EXD3: variants seen among roughly 807,000 people sequenced by gnomAD.
EXD3 encodes exonuclease mut-7 homolog.
Under a neutral mutation model 98.0 loss-of-function variants are expected in EXD3, and 92 were observed. The ratio of observed to expected loss-of-function variants is 0.94; its 90% CI spans 0.79 to 1.12. The LOEUF (loss-of-function observed/expected upper bound fraction) is 1.12. Ranked by LOEUF, EXD3 falls within the 50% of genes most tolerant of loss-of-function variation. The pLI is 0.00. For missense variants in EXD3, 1,222 were observed against 1,191.6 expected (o/e 1.03, Z -0.38); for synonymous variants, 569 against 526.0 (o/e 1.08, Z -1.12).
At chr9:137,328,097 A>AAACAACTAAT (rs1564476292) in intron 17 of EXD3, among the ~76,000 whole-genome samples, 2 of 152,254 alleles carry the variant, frequency 1.3e-5, no homozygotes, top group African/African-American at 4.8e-5. Context: ...TGATGAGTAA[A>AAACAACTAAT]AACAACTAAT....
At chr9:137,412,578 G>A (rs906220000) in intron 1 of EXD3, among the ~76,000 whole-genome samples, 1 of 152,108 alleles carries the variant, frequency 6.6e-6, no homozygotes, top group African/African-American at 2.4e-5. Flanking sequence ...ATGGGACAGG[G>A]TGGATACCCC....
At chr9:137,411,317 C>T (rs1033444040) in intron 1 of EXD3, among the ~76,000 whole-genome samples, 1 of 152,168 alleles carries the variant, frequency 6.6e-6, no homozygotes, top group Non-Finnish European at 1.5e-5. Context: ...CACAGCTGCC[C>T]CCGAGCCCTG....
chr9:137,386,941 T>C (rs1202445381), intron 2 of EXD3, among the ~76,000 whole-genome samples: 35 of 125,754 alleles, frequency 2.8e-4, no homozygotes, highest in Admixed American at 2.5e-3. Context: ...TCAGCACCCC[T>C]GCTCCCTGCC....
At chr9:137,328,891 GCTACA>G in intron 17 of EXD3, among the ~76,000 whole-genome samples, 1 of 35,006 alleles carries the variant, frequency 2.9e-5, no homozygotes, top group Non-Finnish European at 5.1e-5. Context: ...ACTACACGGG[GCTACA>G]CGGGACTACA....
chr9:137,326,475 G>A (rs1832410158), intron 17 of EXD3, among the ~76,000 whole-genome samples: 1 of 152,090 alleles, frequency 6.6e-6, no homozygotes, highest in Non-Finnish European at 1.5e-5. Context: ...GCTGTGAGCT[G>A]TGATCGTGTC....
chr9:137,373,712 T>G (rs909244817), intron 3 of EXD3, 113 bp from the exon 4 acceptor site: 9 of 1,244,034 alleles, frequency 7.2e-6, no homozygotes, highest in African/African-American at 3.0e-5. Context: ...AAGGTAGCTG[T>G]GGCCATTCAG....
intron 1 of EXD3, among the ~76,000 whole-genome samples, chr9:137,401,901 T>C (rs569901175): frequency 2.0e-5 from 3 of 152,274 alleles, no homozygotes; most frequent in Non-Finnish European, 2.9e-5. Context: ...TTGCTACTTA[T>C]GTAAATTTCT....
At chr9:137,365,480 C>T (rs73583505) in intron 7 of EXD3, 18,687 of 155,394 alleles carry the variant, frequency 0.12, 1,340 homozygotes, top group African/African-American at 0.14. Flanking sequence ...GATGTCATCC[C>T]TCATATCTCA....
chr9:137,408,228 A>G (rs1436608550), intron 1 of EXD3, among the ~76,000 whole-genome samples: 1 of 151,970 alleles, frequency 6.6e-6, no homozygotes, highest in Non-Finnish European at 1.5e-5. Context: ...CGTGCCCCAA[A>G]GCTCCCAAGG....
chr9:137,354,489 G>A, intron 9 of EXD3, 112 bp from the exon 10 acceptor site: 3 of 1,559,072 alleles, frequency 1.9e-6, no homozygotes, highest in Non-Finnish European at 2.6e-6. Flanking sequence ...CAGAGCCCAG[G>A]TGCTCACCCG....
Position 137,349,041 on chromosome 9 carries a change from C to G in EXD3, c.1830+69G>C. ...CAGTGGCCTTGTCTCCATGCAGGTC[C>G]TTGGTTTATGGACAGGGATCTCCTT... is the stretch of plus-strand genomic sequence containing the variant. On this transcript the variant is annotated intron_variant, in intron 16 of 21. Coordinates refer to ENST00000340951, the MANE Select transcript of EXD3 (RefSeq NM_017820.5). The surrounding 1 kb of genome is among the most constrained non-coding windows in gnomAD (Gnocchi z 7.4). 1 of 1,498,812 alleles carries G rather than the reference C, an allele frequency of 6.7e-7. No individual in the cohort carries two copies. The highest frequency in any genetic ancestry group is 1.3e-5 in the South Asian group (1 of 75,508). 92.8% of individuals were successfully genotyped at this position (1,498,812 alleles called of 1,614,324 possible). A position where few individuals can be genotyped will look rare whatever the true frequency, so the allele number is the denominator to read the frequency against.
chr9:137,387,722 G>A (rs947682544), intron 2 of EXD3, among the ~76,000 whole-genome samples: 4 of 152,162 alleles, frequency 2.6e-5, no homozygotes, highest in African/African-American at 4.8e-5. Context: ...AGCTGACACC[G>A]AGGGACCTCC....
At chr9:137,402,359 C>T (rs1837516609) in intron 1 of EXD3, among the ~76,000 whole-genome samples, 1 of 152,140 alleles carries the variant, frequency 6.6e-6, no homozygotes, top group Non-Finnish European at 1.5e-5. Flanking sequence ...GAATGCTTTG[C>T]TGCTTAGAGA....
At chr9:137,408,803 G>C (rs1445116310) in intron 1 of EXD3, among the ~76,000 whole-genome samples, 1 of 152,178 alleles carries the variant, frequency 6.6e-6, no homozygotes, top group Non-Finnish European at 1.5e-5. Context: ...CCCTGTACAG[G>C]GAAGCCAGGC....
Position 137,347,255 on chromosome 9 carries a change from C to T in EXD3, c.1998+816G>A, listed in dbSNP as rs545647799. Among the ~76,000 whole-genome samples the T allele has an allele frequency of 6.6e-6, 1 of 152,210 alleles. No homozygotes were observed. Among genetic ancestry groups the T allele is most frequent in the Non-Finnish European group, 1.5e-5 (1 of 68,040 alleles). On this transcript the variant is annotated intron_variant, in intron 17 of 21. Transcript: ENST00000340951. This position sits in a 1 kb window ranked among gnomAD's most constrained non-coding sequence, Gnocchi z 4.2. Reference sequence around the variant, plus strand: ...GCTGAAATCACAGTGTTCGCGACGGCAGGCTCCTCTTAGGAGACTCCGGGG... The same window carrying T: ...GCTGAAATCACAGTGTTCGCGACGGTAGGCTCCTCTTAGGAGACTCCGGGG...
Position 137,407,254 on chromosome 9 carries a change from C to T in EXD3, c.-47-11850G>A, listed in dbSNP as rs567533299. On this transcript the variant is annotated intron_variant, in intron 1 of 21. Coordinates refer to ENST00000340951, the MANE Select transcript of EXD3 (RefSeq NM_017820.5). The surrounding 1 kb of genome is among the most constrained non-coding windows in gnomAD (Gnocchi z 4.4). ...TACCCGCACGCCCAGGCTGGGTCTCCGTTTCCCACCAGGCCAGCGCTGCAG... is the reference window on the plus strand; with the variant it reads ...TACCCGCACGCCCAGGCTGGGTCTCTGTTTCCCACCAGGCCAGCGCTGCAG... 2.0e-5 allele frequency among the ~76,000 whole-genome samples: 3 copies of T among 152,182 alleles called. No individual in the cohort carries two copies. The highest frequency in any genetic ancestry group is 4.4e-5 in the Non-Finnish European group (3 of 68,024).
chr9:137,420,367 T>C (rs1011308722), intron 1 of EXD3, among the ~76,000 whole-genome samples: 5 of 152,206 alleles, frequency 3.3e-5, no homozygotes, highest in African/African-American at 1.2e-4. Context: ...ACTGAAATAT[T>C]TGTCTTTTTC....
intron 17 of EXD3, among the ~76,000 whole-genome samples, chr9:137,332,755 G>A (rs1226925498): frequency 6.6e-6 from 1 of 152,202 alleles, no homozygotes; most frequent in Admixed American, 6.5e-5. Context: ...TGAGGCAGGG[G>A]AATCCCTTGA....
intron 2 of EXD3, among the ~76,000 whole-genome samples, chr9:137,389,093 C>T (rs1170858053): frequency 2.0e-5 from 3 of 152,178 alleles, no homozygotes; most frequent in African/African-American, 7.2e-5. Context: ...GGCCTTCTGG[C>T]GTCCGGGGGC....
Sources: gnomAD v4.1 joint callset for allele counts (sites outside exome capture counted in the v4.1 genomes callset) on GRCh38, gnomAD v4.1.1 for gene constraint, Gnocchi (gnomAD v3.1) non-coding constraint, MANE v1.5 for transcripts, NCBI Gene and HGNC (gene_info 2026-07-23, HGNC 2026-07-21) for gene names.